Variants in PPP4R2 observed in about 807,000 individuals in gnomAD.
PPP4R2 encodes the protein serine/threonine-protein phosphatase 4 regulatory subunit 2.
PPP4R2 carries 13 observed loss-of-function variants against 47.2 expected under a neutral mutation model. That is an observed-to-expected ratio of 0.28 (90% CI 0.18 to 0.44). PPP4R2 has a LOEUF of 0.44. Ranked by LOEUF, PPP4R2 falls within the 20% of genes least tolerant of loss-of-function variation. The pLI, the probability that PPP4R2 is intolerant of heterozygous loss-of-function variation, is 1.00. For missense variants in PPP4R2, 421 were observed against 491.2 expected (o/e 0.86, Z 1.35); for synonymous variants, 151 against 163.3 (o/e 0.92, Z 0.57).
intron 5 of PPP4R2, chr3:73,062,691 A>G (rs1702891759): frequency 6.2e-7 from 1 of 1,614,030 alleles, no homozygotes; most frequent in Non-Finnish European, 8.5e-7. Flanking sequence ...GATTTGCACC[A>G]GCAGTCTCCA....
At chr3:73,028,942 C>T (rs6549497) in intron 2 of PPP4R2, among the ~76,000 whole-genome samples, 110,880 of 152,084 alleles carry the variant, frequency 0.73, 41,569 homozygotes, top group African/African-American at 0.93. Context: ...CCAGAGCCGT[C>T]GCAGTTTTTT....
At chr3:73,001,377 A>G (rs1393897430) in intron 2 of PPP4R2, among the ~76,000 whole-genome samples, 1 of 152,126 alleles carries the variant, frequency 6.6e-6, no homozygotes, top group Non-Finnish European at 1.5e-5. Flanking sequence ...CAGCCTGGGC[A>G]ACATGGTGAA....
chr3:73,062,817 A>T, intron 5 of PPP4R2: 1 of 1,613,990 alleles, frequency 6.2e-7, no homozygotes, highest in Non-Finnish European at 8.5e-7. Context: ...GATCAGCTCA[A>T]GACCATGGGT....
chr3:73,020,471 T>G (rs539254328), intron 2 of PPP4R2, among the ~76,000 whole-genome samples: 3 of 152,192 alleles, frequency 2.0e-5, no homozygotes, highest in African/African-American at 7.2e-5. Context: ...GAGACCAGCC[T>G]GGGTAACATA....
intron 2 of PPP4R2, among the ~76,000 whole-genome samples, chr3:73,021,846 A>ATG (rs1350655364): frequency 6.1e-4 from 74 of 120,908 alleles, no homozygotes; most frequent in African/African-American, 2.5e-3. Flanking sequence ...TTACATTTCT[A>ATG]TATGTGTGTG....
At chr3:73,049,013 T>C (rs1292774974) in intron 3 of PPP4R2, among the ~76,000 whole-genome samples, 1 of 152,188 alleles carries the variant, frequency 6.6e-6, no homozygotes, top group Non-Finnish European at 1.5e-5. Flanking sequence ...CTATTTTCAC[T>C]GTGCACCCTG....
chr3:73,009,216 G>A (rs1402212679), intron 2 of PPP4R2, among the ~76,000 whole-genome samples: 1 of 152,180 alleles, frequency 6.6e-6, no homozygotes, highest in African/African-American at 2.4e-5. Context: ...CTGTTTGTCT[G>A]GGGGTGGTAT....
At chr3:73,048,952 T>A (rs896036943) in intron 3 of PPP4R2, among the ~76,000 whole-genome samples, 3 of 152,188 alleles carry the variant, frequency 2.0e-5, no homozygotes, top group African/African-American at 7.2e-5. Context: ...CTTTTGTCTT[T>A]GAGGTTCATC....
At position 73,067,931 on chromosome 3, in the gene PPP4R2, TTTA is replaced by T. The variant is rs1420761359; in HGVS notation, c.*2213_*2215del. On this transcript the variant is annotated 3_prime_UTR_variant, in exon 9 of 9. Transcript: ENST00000356692. ...AATCTATAGTTTAATAGTTTTAATA[TTTA>T]TTAGATATTCATATGTTGATCATAG... is the stretch of plus-strand genomic sequence containing the variant. 6.6e-6 allele frequency: 1 copy of T among 152,216 alleles called. No individual in the cohort carries two copies. Among genetic ancestry groups the T allele is most frequent in the Non-Finnish European group, 1.5e-5 (1 of 68,026 alleles). 9.4% of individuals were successfully genotyped at this position (152,216 alleles called of 1,614,324 possible).
chr3:73,034,816 G>A (rs558259391), intron 2 of PPP4R2, among the ~76,000 whole-genome samples: 1 of 151,458 alleles, frequency 6.6e-6, no homozygotes, highest in East Asian at 1.9e-4. Context: ...TACAGGCATT[G>A]GCTACTCTGC....
At chr3:72,998,957 A>T (rs571707488) in intron 2 of PPP4R2, among the ~76,000 whole-genome samples, 1 of 152,334 alleles carries the variant, frequency 6.6e-6, no homozygotes, top group Admixed American at 6.5e-5. Context: ...TAAGTGGGTT[A>T]TCTGCCCAGT....
intron 3 of PPP4R2, among the ~76,000 whole-genome samples, chr3:73,058,342 T>G (rs2107332267): frequency 6.6e-6 from 1 of 152,224 alleles, no homozygotes; most frequent in East Asian, 1.9e-4. Context: ...AGAAGAATAC[T>G]TGAGGAAAAA....
intron 2 of PPP4R2, among the ~76,000 whole-genome samples, chr3:73,019,795 C>T (rs1701922960): frequency 6.6e-6 from 1 of 152,102 alleles, no homozygotes; most frequent in Non-Finnish European, 1.5e-5. Context: ...CTCTTCTCTC[C>T]CAATTTCCAT....
rs186353160 is a variant in PPP4R2 at position 73,040,835 on chromosome 3, A to G, written c.117-6351A>G. 4.7e-3 allele frequency among the ~76,000 whole-genome samples: 722 copies of G among 152,280 alleles called. 4 individuals are homozygous for G. The highest frequency in any genetic ancestry group is 5.4e-3 in the Non-Finnish European group (365 of 68,024). On this transcript the variant is annotated intron_variant, in intron 2 of 8. Coordinates refer to ENST00000356692, the MANE Select transcript of PPP4R2 (RefSeq NM_174907.4). Reference sequence around the variant, plus strand: ...GCCCTAAATATTTTTTTAAACTGTGATTAATAAATTATGGCACAAATACGT... The same window carrying G: ...GCCCTAAATATTTTTTTAAACTGTGGTTAATAAATTATGGCACAAATACGT...
chr3:73,047,162 T>G, intron 2 of PPP4R2, 24 bp from the exon 3 acceptor site: 1 of 1,370,108 alleles, frequency 7.3e-7, no homozygotes, highest in Non-Finnish European at 1.0e-6. Flanking sequence ...TGGTATTATA[T>G]ATTTTTTAAT....
intron 2 of PPP4R2, among the ~76,000 whole-genome samples, chr3:73,008,797 G>A (rs1347642678): frequency 1.3e-5 from 2 of 152,148 alleles, no homozygotes; most frequent in African/African-American, 4.8e-5. Context: ...CTAAAGAAAC[G>A]AGTCTAAAGT....
chr3:72,997,097 T>TC, intron 1 of PPP4R2, 26 bp downstream of exon 1: 3 of 1,360,180 alleles, frequency 2.2e-6, no homozygotes, highest in Non-Finnish European at 2.9e-6. Flanking sequence ...CCCTCTCCAT[T>TC]CCCCCTCACC....
At chr3:73,038,065 T>C (rs768810442) in intron 2 of PPP4R2, among the ~76,000 whole-genome samples, 3 of 152,046 alleles carry the variant, frequency 2.0e-5, no homozygotes, top group Admixed American at 1.3e-4. Context: ...GTCTGACACA[T>C]GTGGGGGTGA....
chr3:73,003,153 C>A (rs1197936884), intron 2 of PPP4R2, among the ~76,000 whole-genome samples: 2 of 151,786 alleles, frequency 1.3e-5, no homozygotes, highest in Non-Finnish European at 2.9e-5. Flanking sequence ...ATTTCTAGCC[C>A]CCATTTAAAA....
Sources: allele counts gnomAD v4.1 joint callset (sites outside exome capture counted in the v4.1 genomes callset), GRCh38; gene constraint gnomAD v4.1.1; transcripts MANE v1.5; gene names NCBI Gene and HGNC (gene_info 2026-07-23, HGNC 2026-07-21).